The following CCSER2 variants were observed in gnomAD, a reference collection of about 807,000 sequenced individuals.
The protein encoded by CCSER2 is serine-rich coiled-coil domain-containing protein 2.
CCSER2 carries 46 observed loss-of-function variants against 92.3 expected under a neutral mutation model. The ratio of observed to expected loss-of-function variants is 0.50; its 90% confidence interval spans 0.39 to 0.64. CCSER2 has a LOEUF of 0.64. CCSER2 is among the 30% of genes least tolerant of loss of function. CCSER2 has a pLI of 0.00. For synonymous variants in CCSER2, 433 were observed against 431.4 expected (o/e 1.00, Z -0.04); for missense variants, 1,244 against 1,238.9 (o/e 1.00, Z -0.06).
chr10:84,438,120 T>TA (rs1374248042), intron 5 of CCSER2, among the ~76,000 whole-genome samples: 2 of 152,154 alleles, frequency 1.3e-5, no homozygotes, highest in African/African-American at 4.8e-5. Context: ...GTAGCATCGT[T>TA]ATGGGGCTAA....
intron 9 of CCSER2, among the ~76,000 whole-genome samples, chr10:84,483,945 C>T (rs1396459641): frequency 4.8e-5 from 6 of 124,790 alleles, no homozygotes; most frequent in South Asian, 2.7e-4. Flanking sequence ...CCACCACACC[C>T]GGCTAATTTA....
chr10:84,491,347 A>G (rs1219148007), intron 9 of CCSER2, among the ~76,000 whole-genome samples: 2 of 152,322 alleles, frequency 1.3e-5, no homozygotes, highest in East Asian at 3.9e-4. Flanking sequence ...GGTGGAGTCT[A>G]CAGAGGCAGG....
intron 1 of CCSER2, among the ~76,000 whole-genome samples, chr10:84,333,985 G>A (rs1028967869): frequency 2.0e-5 from 3 of 152,206 alleles, no homozygotes; most frequent in African/African-American, 4.8e-5. Flanking sequence ...AAATAATACA[G>A]AAAGGTCAAG....
chr10:84,492,223 T>G (rs1397743382), intron 9 of CCSER2, among the ~76,000 whole-genome samples: 1 of 150,592 alleles, frequency 6.6e-6, no homozygotes, highest in Non-Finnish European at 1.5e-5. Flanking sequence ...ATAATTGCAG[T>G]GAGCAGAGAT....
At chr10:84,411,413 T>C (rs891724322) in intron 3 of CCSER2, among the ~76,000 whole-genome samples, 3 of 152,206 alleles carry the variant, frequency 2.0e-5, no homozygotes, top group Non-Finnish European at 2.9e-5. Flanking sequence ...TTTCATGATA[T>C]TGATTTTACC....
chr10:84,431,621 A>G (rs751441965), intron 5 of CCSER2, among the ~76,000 whole-genome samples: 1 of 152,104 alleles, frequency 6.6e-6, no homozygotes, highest in South Asian at 2.1e-4. Flanking sequence ...ACGTGTCTAT[A>G]GTCCCATCTA....
At chr10:84,472,037 G>A (rs1272543229) in intron 8 of CCSER2, among the ~76,000 whole-genome samples, 1 of 151,720 alleles carries the variant, frequency 6.6e-6, no homozygotes, top group African/African-American at 2.4e-5. Context: ...TTGGAATAAA[G>A]TATCTTGCAA....
intron 9 of CCSER2, among the ~76,000 whole-genome samples, chr10:84,488,805 T>G (rs1395305238): frequency 7.8e-6 from 1 of 127,688 alleles, no homozygotes; most frequent in Non-Finnish European, 1.9e-5. Flanking sequence ...TGCTCTTGCT[T>G]CTCTAGTTCT....
intron 3 of CCSER2, among the ~76,000 whole-genome samples, chr10:84,406,414 T>A (rs1395385438): frequency 1.3e-5 from 2 of 152,196 alleles, no homozygotes; most frequent in East Asian, 1.9e-4. Context: ...TACAGTGTAA[T>A]TAAACTAATG....
At chr10:84,386,708 G>A (rs1463291120) in intron 3 of CCSER2, among the ~76,000 whole-genome samples, 1 of 152,220 alleles carries the variant, frequency 6.6e-6, no homozygotes, top group Non-Finnish European at 1.5e-5. Context: ...TCCAGCCTGG[G>A]CAACAGAGCA....
At chr10:84,406,696 C>T (rs928590700) in intron 3 of CCSER2, among the ~76,000 whole-genome samples, 13 of 152,282 alleles carry the variant, frequency 8.5e-5, no homozygotes, top group Middle Eastern at 6.8e-3. Flanking sequence ...CTAAGGAAAA[C>T]AGGTCTATAT....
rs772466457 is a variant in CCSER2 at position 84,514,274 on chromosome 10, A to G, written c.*7A>G. 6.6e-7 allele frequency: 1 copy of G among 1,511,230 alleles called. No individual in the cohort carries two copies. The highest frequency in any genetic ancestry group is 1.2e-5 in the South Asian group (1 of 82,502). 93.6% of individuals were successfully genotyped at this position (1,511,230 alleles called of 1,614,324 possible). A position where few individuals can be genotyped will look rare whatever the true frequency, so the allele number is the denominator to read the frequency against. ...TAAACCAAAGATACATTAAGTACAT[A>G]GCCATCACCTGCCAATTTGTTTCTT... is the stretch of plus-strand genomic sequence containing the variant. On this transcript the variant is annotated 3_prime_UTR_variant, in exon 10 of 10. Coordinates refer to ENST00000372088, the MANE Select transcript of CCSER2 (RefSeq NM_001284240.2).
At chr10:84,477,237 A>G (rs954063022) in intron 8 of CCSER2, among the ~76,000 whole-genome samples, 1 of 152,148 alleles carries the variant, frequency 6.6e-6, no homozygotes, top group African/African-American at 2.4e-5. Context: ...GGTAATTTAG[A>G]TTATTCAAAA....
chr10:84,341,421 G>A (rs1844180250), intron 1 of CCSER2, among the ~76,000 whole-genome samples: 1 of 141,792 alleles, frequency 7.1e-6, no homozygotes, highest in African/African-American at 2.7e-5. Context: ...CTAGCCTCAA[G>A]TGATCCTTCT....
At chr10:84,462,849 A>G (rs560320755) in intron 6 of CCSER2, among the ~76,000 whole-genome samples, 1 of 152,138 alleles carries the variant, frequency 6.6e-6, no homozygotes, top group Non-Finnish European at 1.5e-5. Flanking sequence ...CACCTCCCCT[A>G]TTGTAGACAT....
At chr10:84,416,076 A>G (rs1002135219) in intron 3 of CCSER2, among the ~76,000 whole-genome samples, 2 of 152,216 alleles carry the variant, frequency 1.3e-5, no homozygotes, top group Non-Finnish European at 2.9e-5. Context: ...TATTGGTGAC[A>G]TGGGCTTATG....
intron 1 of CCSER2, among the ~76,000 whole-genome samples, chr10:84,332,485 C>T (rs1232895429): frequency 8.7e-6 from 1 of 114,760 alleles, no homozygotes; most frequent in Non-Finnish European, 1.6e-5. Context: ...TGTTGCCAGG[C>T]TGGAGTGCAG....
chr10:84,398,523 A>G (rs1445595301), intron 3 of CCSER2, among the ~76,000 whole-genome samples: 1 of 152,156 alleles, frequency 6.6e-6, no homozygotes, highest in South Asian at 2.1e-4. Flanking sequence ...AAATGAAACA[A>G]TATTTGTTTG....
At chr10:84,467,873 T>C (rs1224700917) in intron 7 of CCSER2, among the ~76,000 whole-genome samples, 3 of 152,160 alleles carry the variant, frequency 2.0e-5, no homozygotes, top group Non-Finnish European at 2.9e-5. Flanking sequence ...TCCCTTTTCA[T>C]CTATATTATC....
Sources: gnomAD v4.1 joint callset for allele counts (sites outside exome capture counted in the v4.1 genomes callset) on GRCh38, gnomAD v4.1.1 for gene constraint, MANE v1.5 for transcripts, NCBI Gene and HGNC (gene_info 2026-07-23, HGNC 2026-07-21) for gene names.